The following SOX5 variants were observed in gnomAD, a reference collection of about 807,000 sequenced individuals.
SOX5 encodes the protein transcription factor SOX-5.
Under a neutral mutation model 92.0 loss-of-function variants are expected in SOX5, and 9 were observed. The observed-to-expected ratio is 0.10, with a 90% CI of 0.06 to 0.17. SOX5 has a LOEUF of 0.17. SOX5 is among the 10% of genes least tolerant of loss of function. SOX5 has a pLI of 1.00. For synonymous variants in SOX5, 344 were observed against 336.3 expected (o/e 1.02, Z -0.25); for missense variants, 642 against 944.5 (o/e 0.68, Z 4.20).
intron 1 of SOX5, among the ~76,000 whole-genome samples, chr12:24,508,359 T>C (rs1050008852): frequency 1.9e-4 from 29 of 151,978 alleles, no homozygotes; most frequent in African/African-American, 6.3e-4. Context: ...AATTAGTCAC[T>C]GGAAGGGAAA....
chr12:23,571,174 A>G (rs944048329), intron 10 of SOX5, among the ~76,000 whole-genome samples: 2 of 150,350 alleles, frequency 1.3e-5, no homozygotes, highest in African/African-American at 4.9e-5. Context: ...ATAATAATAA[A>G]TAAATAAAAT....
Position 23,575,708 on chromosome 12 carries a change from G to A in SOX5, c.1295C>T (p.Ser432Phe). ...INSGAGPLKA[S>F]VPAALASPSA... is the part of the protein sequence containing the mutation. Reference sequence around the variant, plus strand: ...AGGACTAGCTAACGCTGCTGGGACAGAGGCTTTGAGGGGGCCTGCCCCACT... The same window carrying A: ...AGGACTAGCTAACGCTGCTGGGACAAAGGCTTTGAGGGGGCCTGCCCCACT... Residue 432 changes from serine to phenylalanine, a missense_variant, in exon 10 of 15, where the codon TCT becomes TTT. Ser to Phe is a radical substitution (Grantham distance 155). Coordinates refer to ENST00000451604, the MANE Select transcript of SOX5 (RefSeq NM_006940.6). 6.2e-7 allele frequency: 1 copy of A among 1,614,210 alleles called. No individual in the cohort carries two copies. The highest frequency in any genetic ancestry group is 8.5e-7 in the Non-Finnish European group (1 of 1,180,014).
intron 4 of SOX5, among the ~76,000 whole-genome samples, chr12:24,134,580 C>A (rs190320347): frequency 2.0e-4 from 30 of 152,200 alleles, no homozygotes; most frequent in Admixed American, 1.0e-3. Flanking sequence ...GGCTTCTGAT[C>A]CATTAAACCA....
chr12:24,061,808 A>G (rs558171478), intron 4 of SOX5, among the ~76,000 whole-genome samples: 1 of 152,140 alleles, frequency 6.6e-6, no homozygotes, highest in East Asian at 1.9e-4. Context: ...CCTATAATGT[A>G]AGAAGCAAGA....
chr12:24,056,513 C>G (rs896683975), intron 4 of SOX5, among the ~76,000 whole-genome samples: 2 of 152,160 alleles, frequency 1.3e-5, no homozygotes, highest in Non-Finnish European at 2.9e-5. Context: ...CTCTATTTCT[C>G]CATCATGCCA....
At chr12:24,192,957 A>G (rs1262300998) in intron 4 of SOX5, among the ~76,000 whole-genome samples, 1 of 151,936 alleles carries the variant, frequency 6.6e-6, no homozygotes, top group African/African-American at 2.4e-5. Flanking sequence ...CTTAAAGAAA[A>G]AAATTAAACT....
intron 1 of SOX5, among the ~76,000 whole-genome samples, chr12:24,444,481 C>T (rs528551753): frequency 7.6e-4 from 116 of 152,260 alleles, no homozygotes; most frequent in Non-Finnish European, 1.4e-3. Flanking sequence ...TATTTGAATT[C>T]CCCCATAGGA....
intron 3 of SOX5, among the ~76,000 whole-genome samples, chr12:24,272,633 GT>G (rs1444651711): frequency 6.6e-6 from 1 of 152,088 alleles, no homozygotes; most frequent in African/African-American, 2.4e-5. Context: ...TCATATGACT[GT>G]TTTAATCTGT....
intron 3 of SOX5, among the ~76,000 whole-genome samples, chr12:24,260,825 G>A (rs948868728): frequency 2.4e-4 from 37 of 152,112 alleles, no homozygotes; most frequent in Admixed American, 7.9e-4. Flanking sequence ...ATGAAATTTA[G>A]GTAATAATTT....
intron 1 of SOX5, among the ~76,000 whole-genome samples, chr12:24,480,592 G>A (rs1216722345): frequency 1.3e-5 from 2 of 152,006 alleles, no homozygotes; most frequent in Admixed American, 6.6e-5. Context: ...ATTTAAAATG[G>A]GCAAAAGATT....
chr12:24,174,741 A>G (rs73056577), intron 4 of SOX5, among the ~76,000 whole-genome samples: 10,137 of 152,112 alleles, frequency 0.067, 461 homozygotes, highest in Middle Eastern at 0.11. Context: ...GAATCGCTTG[A>G]ACCAGGAGGC....
chr12:24,138,073 C>T (rs1950262434), intron 4 of SOX5, among the ~76,000 whole-genome samples: 1 of 152,210 alleles, frequency 6.6e-6, no homozygotes, highest in Non-Finnish European at 1.5e-5. Context: ...AAAAAGGTAT[C>T]ATGCTATTTT....
intron 4 of SOX5, among the ~76,000 whole-genome samples, chr12:24,019,035 A>G (rs1592384207): frequency 6.6e-6 from 1 of 152,110 alleles, no homozygotes; most frequent in Admixed American, 6.6e-5. Context: ...GTGCAGTGGC[A>G]CCATCATGGC....
intron 1 of SOX5, among the ~76,000 whole-genome samples, chr12:23,907,389 T>A (rs1362816242): frequency 6.6e-6 from 1 of 152,198 alleles, no homozygotes; most frequent in Non-Finnish European, 1.5e-5. Flanking sequence ...TTAATCATGA[T>A]CTGATGCTAA....
intron 6 of SOX5, among the ~76,000 whole-genome samples, chr12:23,681,517 A>G (rs1240471446): frequency 1.3e-5 from 2 of 151,764 alleles, no homozygotes; most frequent in African/African-American, 4.8e-5. Context: ...TTAAATCATA[A>G]TAACAAAAAA....
intron 4 of SOX5, among the ~76,000 whole-genome samples, chr12:23,986,994 T>C (rs996914109): frequency 6.6e-6 from 1 of 152,204 alleles, no homozygotes; most frequent in African/African-American, 2.4e-5. Context: ...TTCTCTCAAG[T>C]ACAGAATGTA....
At chr12:24,395,533 T>C (rs1349800853) in intron 1 of SOX5, among the ~76,000 whole-genome samples, 1 of 152,224 alleles carries the variant, frequency 6.6e-6, no homozygotes, top group African/African-American at 2.4e-5. Context: ...CTGAATTCTA[T>C]TAACTGGCAA....
In SOX5 at chr12:23,904,413, A is replaced by C. The variant is rs59329004; in HGVS notation, c.39-8389T>G. Among the ~76,000 whole-genome samples the C allele has an allele frequency of 3.7e-3, 562 of 152,298 alleles. 2 individuals are homozygous for C. The highest frequency in any genetic ancestry group is 0.013 in the African/African-American group (535 of 41,574). On this transcript the variant is annotated intron_variant, in intron 1 of 14. Coordinates refer to ENST00000451604, the MANE Select transcript of SOX5 (RefSeq NM_006940.6). ...GGCATAAAATATAAATTGAAGTAGA[A>C]ACACAGATTTCAAAGAAATATAGAA...
intron 4 of SOX5, among the ~76,000 whole-genome samples, chr12:23,751,278 T>C (rs777666549): frequency 6.6e-6 from 1 of 151,936 alleles, no homozygotes; most frequent in Non-Finnish European, 1.5e-5. Context: ...TGTTTTAGGT[T>C]AATGTACAAA....
Sources: allele counts gnomAD v4.1 joint callset (sites outside exome capture counted in the v4.1 genomes callset), GRCh38; gene constraint gnomAD v4.1.1; transcripts MANE v1.5; gene names NCBI Gene and HGNC (gene_info 2026-07-23, HGNC 2026-07-21).